PRKCA: variants seen among roughly 807,000 people sequenced by gnomAD.
The protein encoded by PRKCA is protein kinase C alpha.
PRKCA carries 27 observed loss-of-function variants against 87.0 expected under a neutral mutation model. The observed-to-expected ratio is 0.31, with a 90% CI of 0.23 to 0.43. PRKCA has a LOEUF of 0.43. Among genes scored for constraint, PRKCA ranks in the 20% least tolerant of loss-of-function variants. The pLI, the probability that PRKCA is intolerant of heterozygous loss-of-function variation, is 1.00. For synonymous variants in PRKCA, 329 were observed against 311.1 expected (o/e 1.06, Z -0.61); for missense variants, 518 against 852.3 (o/e 0.61, Z 4.88).
Position 66,687,167 on chromosome 17 carries a change from G to A in PRKCA, c.586G>A (p.Val196Met). ...MDPNGLSDPYVKLKLIPDPKN... is the reference protein window; with the variant it reads ...MDPNGLSDPYMKLKLIPDPKN... Reference sequence around the variant, plus strand: ...TCCAAACGGGCTTTCAGATCCTTATGTGAAGCTGAAACTTATTCCTGATCC... The same window carrying A: ...TCCAAACGGGCTTTCAGATCCTTATATGAAGCTGAAACTTATTCCTGATCC... The change falls in exon 6 of 17, where the codon GTG (valine) becomes ATG (methionine). Residue 196 changes from valine (V) to methionine (M), a missense_variant. Val to Met is a conservative substitution (Grantham distance 21, BLOSUM62 1). This residue lies in a region of PRKCA where 300 missense variants were observed against 496.8 expected (regional missense o/e 0.60). Coordinates refer to ENST00000413366, the MANE Select transcript of PRKCA (RefSeq NM_002737.3). The A allele has an allele frequency of 6.2e-7, 1 of 1,613,730 alleles. No homozygotes were observed. Among genetic ancestry groups the A allele is most frequent in the Non-Finnish European group, 8.5e-7 (1 of 1,179,674 alleles).
intron 3 of PRKCA, among the ~76,000 whole-genome samples, chr17:66,504,302 G>T (rs1916873111): frequency 6.6e-6 from 1 of 152,072 alleles, no homozygotes; most frequent in Admixed American, 6.5e-5. Flanking sequence ...AGATTGCACA[G>T]GGTGGGCCAC....
chr17:66,778,909 C>T (rs1037959425), intron 14 of PRKCA, among the ~76,000 whole-genome samples: 3 of 151,838 alleles, frequency 2.0e-5, no homozygotes, highest in Non-Finnish European at 2.9e-5. Context: ...ATGGCAGGCA[C>T]AGATAACAGC....
At chr17:66,615,524 TCATA>T (rs1056715281) in intron 3 of PRKCA, among the ~76,000 whole-genome samples, 1 of 152,164 alleles carries the variant, frequency 6.6e-6, no homozygotes, top group Non-Finnish European at 1.5e-5. Context: ...AACAACTCAT[TCATA>T]GGCAGAGAAC....
chr17:66,412,597 A>G (rs927615038), intron 2 of PRKCA: 2 of 151,978 alleles, frequency 1.3e-5, no homozygotes, highest in African/African-American at 2.4e-5. Flanking sequence ...TTGCCCCACA[A>G]ACTTCTGCAG....
intron 3 of PRKCA, among the ~76,000 whole-genome samples, chr17:66,506,933 T>G (rs1917006140): frequency 1.3e-5 from 2 of 152,302 alleles, no homozygotes; most frequent in Admixed American, 1.3e-4. Flanking sequence ...AAATGGTGTC[T>G]GGAGAGCCTG....
chr17:66,798,434 ACGGTGGTGGTGG>A (rs1975735903), intron 16 of PRKCA, among the ~76,000 whole-genome samples: 1 of 19,622 alleles, frequency 5.1e-5, no homozygotes, highest in African/African-American at 2.4e-4. Context: ...GGTGGTGGTG[ACGGTGGTGGTGG>A]TGGTGACGGT....
intron 2 of PRKCA, chr17:66,339,690 G>A (rs1197448039): frequency 2.0e-5 from 3 of 152,254 alleles, no homozygotes; most frequent in Middle Eastern, 3.4e-3. Context: ...TGCAGAATCT[G>A]TTGCTTTTCC....
rs1258480713 is a variant in PRKCA at position 66,619,270 on chromosome 17, CTCTT to C, written c.289-22082_289-22079del. Among the ~76,000 whole-genome samples, 4 of 152,218 alleles carry C rather than the reference CTCTT, an allele frequency of 2.6e-5. No homozygotes were observed. The East Asian group carries it at 7.7e-4, about 29-fold the overall frequency. ...ACAAATTGGAGTCCCTCTCCTCACT[CTCTT>C]TCGTATCATCTAGGTAAATTGTTTA... On this transcript the variant is annotated intron_variant, in intron 3 of 16. Transcript: ENST00000413366.
chr17:66,531,622 G>T (rs1244377243), intron 3 of PRKCA, among the ~76,000 whole-genome samples: 1 of 151,660 alleles, frequency 6.6e-6, no homozygotes, highest in African/African-American at 2.4e-5. Flanking sequence ...TTCAGGTGCA[G>T]CAACCTGACT....
intron 2 of PRKCA, among the ~76,000 whole-genome samples, chr17:66,424,857 C>A (rs1200427396): frequency 1.3e-5 from 2 of 151,486 alleles, no homozygotes; most frequent in Non-Finnish European, 2.9e-5. Context: ...TCAAGCGATT[C>A]TCCCGCCTCA....
At chr17:66,441,214 G>A (rs146087535) in intron 2 of PRKCA, among the ~76,000 whole-genome samples, 2,219 of 149,818 alleles carry the variant, frequency 0.015, 33 homozygotes, top group Non-Finnish European at 0.023. Context: ...ATGATGGTAC[G>A]TGCCTGTGGT....
intron 2 of PRKCA, among the ~76,000 whole-genome samples, chr17:66,314,440 T>C (rs1905207058): frequency 1.3e-5 from 2 of 152,114 alleles, no homozygotes; most frequent in African/African-American, 4.8e-5. Flanking sequence ...TTTCTGGAAA[T>C]AGATTTCTAT....
At chr17:66,746,339 C>T (rs915012734) in intron 13 of PRKCA, among the ~76,000 whole-genome samples, 2 of 151,722 alleles carry the variant, frequency 1.3e-5, no homozygotes, top group Non-Finnish European at 2.9e-5. Context: ...CTTTTGCTAG[C>T]ATTTTTTCCT....
At chr17:66,485,339 T>C (rs1031121333) in intron 2 of PRKCA, among the ~76,000 whole-genome samples, 9 of 152,210 alleles carry the variant, frequency 5.9e-5, no homozygotes, top group African/African-American at 2.2e-4. Context: ...ACATTGCTTC[T>C]CGCAGTTTTC....
intron 14 of PRKCA, chr17:66,777,803 G>A (rs1223281016): frequency 3.0e-6 from 3 of 985,288 alleles, no homozygotes; most frequent in African/African-American, 3.5e-5. Context: ...CTTTACAAGA[G>A]GTCACGTGAG....
chr17:66,474,069 C>A (rs1915438109), intron 2 of PRKCA, among the ~76,000 whole-genome samples: 1 of 152,168 alleles, frequency 6.6e-6, no homozygotes, highest in South Asian at 2.1e-4. Context: ...TAAATAAAAT[C>A]ATTTATGAAG....
chr17:66,555,193 C>A (rs117288347), intron 3 of PRKCA, among the ~76,000 whole-genome samples: 2,744 of 152,290 alleles, frequency 0.018, 28 homozygotes, highest in Middle Eastern at 0.041. Flanking sequence ...ATTGTAAATT[C>A]TTTGAAGGCA....
rs76216633 is a variant in PRKCA at position 66,582,186 on chromosome 17, A to G, written c.289-59169A>G. On this transcript the variant is annotated intron_variant, in intron 3 of 16. Coordinates refer to ENST00000413366, the MANE Select transcript of PRKCA (RefSeq NM_002737.3). ...AGTAATTGCTGTTTCTCCTCTTCCCATGGAAATGGCTGTAGGCATTCTTGG... is the reference window on the plus strand; with the variant it reads ...AGTAATTGCTGTTTCTCCTCTTCCCGTGGAAATGGCTGTAGGCATTCTTGG... Among the ~76,000 whole-genome samples the G allele has an allele frequency of 7.1e-3, 1,079 of 152,230 alleles. 11 individuals are homozygous for G. The highest frequency in any genetic ancestry group is 0.02 in the Middle Eastern group (6 of 294).
chr17:66,667,674 C>A (rs1011525576), intron 5 of PRKCA, among the ~76,000 whole-genome samples: 1 of 152,168 alleles, frequency 6.6e-6, no homozygotes, highest in Non-Finnish European at 1.5e-5. Flanking sequence ...GCCACCCACA[C>A]AGGGACAAGT....
Sources: allele counts gnomAD v4.1 joint callset (sites outside exome capture counted in the v4.1 genomes callset), GRCh38; gene constraint gnomAD v4.1.1; regional missense constraint gnomAD v4.1.1; transcripts MANE v1.5; gene names NCBI Gene and HGNC (gene_info 2026-07-23, HGNC 2026-07-21).